CSMD2: variants seen among roughly 807,000 people sequenced by gnomAD.
CSMD2 encodes CUB and Sushi multiple domains 2.
A neutral mutation model predicts 398.5 loss-of-function variants in CSMD2; 130 were observed. The observed-to-expected ratio is 0.33, with a 90% CI of 0.28 to 0.38. The LOEUF (loss-of-function observed/expected upper bound fraction) is 0.38, where lower values mean the gene tolerates loss of function less well. Among genes scored for constraint, CSMD2 ranks in the 10% least tolerant of loss-of-function variants. The pLI, the probability that CSMD2 is intolerant of heterozygous loss-of-function variation, is 1.00. For missense variants in CSMD2, 3,829 were observed against 4,764.9 expected, an observed-to-expected ratio of 0.80 and a Z score of 5.78; for synonymous variants, 1,828 against 1,908.5, an observed-to-expected ratio of 0.96 and a Z score of 1.10.
At chr1:33,779,244 C>T (rs867638442) in intron 12 of CSMD2, among the ~76,000 whole-genome samples, 23 of 152,218 alleles carry the variant, frequency 1.5e-4, no homozygotes, top group South Asian at 4.2e-4. Context: ...GAGATTTACA[C>T]GGCACAGCAA....
At chr1:33,584,740 T>C (rs1358668493) in intron 46 of CSMD2, among the ~76,000 whole-genome samples, 1 of 140,508 alleles carries the variant, frequency 7.1e-6, no homozygotes, top group Non-Finnish European at 1.6e-5. Context: ...TGCAACATAG[T>C]GCTTCAATAA....
chr1:33,548,449 C>A (rs982161372), intron 56 of CSMD2, among the ~76,000 whole-genome samples: 1 of 152,214 alleles, frequency 6.6e-6, no homozygotes, highest in African/African-American at 2.4e-5. Context: ...CTCCAGAAAT[C>A]TCTCCATAGC....
intron 41 of CSMD2, among the ~76,000 whole-genome samples, chr1:33,608,091 T>G (rs748466315): frequency 6.6e-6 from 1 of 152,110 alleles, no homozygotes; most frequent in Non-Finnish European, 1.5e-5. Flanking sequence ...GCGGGGCCCC[T>G]TGTGCAGGGT....
rs143370877 is a variant in CSMD2 at position 33,935,811 on chromosome 1, C to A, written c.661G>T (p.Ala221Ser). 2 of 1,613,646 alleles carry A rather than the reference C, an allele frequency of 1.2e-6. No individual in the cohort carries two copies. The highest frequency in any genetic ancestry group is 2.2e-5 in the East Asian group (1 of 44,880). Residue 221 changes from alanine to serine, a missense_variant, in exon 4 of 71, where the codon GCT becomes TCT. Coordinates refer to ENST00000373381, the MANE Select transcript of CSMD2 (RefSeq NM_001281956.2). ...LEGHAVLTCH[A>S]GSENSATWDF... ...CACGTGGCGCTGTTCTCAGAGCCAG[C>A]GTGGCAGGTGAGCACGGCGTGGCCC...
At chr1:33,837,933 C>T (rs1174159145) in intron 6 of CSMD2, among the ~76,000 whole-genome samples, 4 of 152,218 alleles carry the variant, frequency 2.6e-5, no homozygotes, top group South Asian at 2.1e-4. Context: ...ACACATGGTA[C>T]ACATTTAGCT....
chr1:33,757,445 C>G (rs1042077230), intron 13 of CSMD2, among the ~76,000 whole-genome samples: 2 of 152,080 alleles, frequency 1.3e-5, no homozygotes, highest in East Asian at 3.9e-4. Context: ...TCAAGGGAAC[C>G]AAGGTTCTCT....
chr1:34,161,307 T>C (rs530231244), intron 1 of CSMD2, among the ~76,000 whole-genome samples: 6 of 152,312 alleles, frequency 3.9e-5, no homozygotes, highest in African/African-American at 1.4e-4. Context: ...AGGAAGCCAA[T>C]AGATGAATTT....
intron 2 of CSMD2, among the ~76,000 whole-genome samples, chr1:34,034,291 C>G (rs6701264): frequency 6.6e-6 from 1 of 151,684 alleles, no homozygotes; most frequent in African/African-American, 2.4e-5. Context: ...AATGATCAAT[C>G]GCGACATACT....
At chr1:34,093,138 G>A (rs1388890263) in intron 1 of CSMD2, among the ~76,000 whole-genome samples, 2 of 152,072 alleles carry the variant, frequency 1.3e-5, no homozygotes, top group Admixed American at 1.3e-4. Context: ...GCACCCCCCA[G>A]CAGGGGCACA....
chr1:33,897,987 C>T (rs1642504311), intron 5 of CSMD2, among the ~76,000 whole-genome samples: 1 of 152,170 alleles, frequency 6.6e-6, no homozygotes, highest in African/African-American at 2.4e-5. Flanking sequence ...CCCTGGGTTC[C>T]TAGTCACTTT....
chr1:33,641,184 T>C (rs905803503), intron 29 of CSMD2, among the ~76,000 whole-genome samples: 7 of 152,194 alleles, frequency 4.6e-5, no homozygotes, highest in African/African-American at 1.7e-4. Flanking sequence ...TAACTTCTTA[T>C]GCTTCTTACT....
chr1:33,774,168 C>G (rs149058079), intron 12 of CSMD2, among the ~76,000 whole-genome samples: 1 of 149,628 alleles, frequency 6.7e-6, no homozygotes, highest in Non-Finnish European at 1.5e-5. Flanking sequence ...AGTTGAACAA[C>G]AAGGGTCCTC....
intron 15 of CSMD2, among the ~76,000 whole-genome samples, chr1:33,729,912 G>A (rs987432269): frequency 6.6e-6 from 1 of 152,084 alleles, no homozygotes. Context: ...CCAACAAAAT[G>A]CATATGCATT....
intron 10 of CSMD2, among the ~76,000 whole-genome samples, chr1:33,794,061 T>C (rs1024847079): frequency 2.6e-5 from 4 of 152,222 alleles, no homozygotes; most frequent in Admixed American, 6.5e-5. Context: ...ATAATTTCTG[T>C]GGATATTTTT....
At chr1:33,720,521 G>A (rs551872502) in intron 19 of CSMD2, among the ~76,000 whole-genome samples, 56 of 152,216 alleles carry the variant, frequency 3.7e-4, no homozygotes, top group African/African-American at 1.2e-3. Flanking sequence ...TTGGGGAGAC[G>A]AAGTGTTCCA....
At chr1:33,786,353 G>C (rs1653535873) in intron 12 of CSMD2, among the ~76,000 whole-genome samples, 1 of 152,204 alleles carries the variant, frequency 6.6e-6, no homozygotes, top group Non-Finnish European at 1.5e-5. Context: ...TGAAATGGGT[G>C]AAAACTTAGC....
At chr1:33,939,941 T>A (rs1392645035) in intron 3 of CSMD2, among the ~76,000 whole-genome samples, 1 of 152,212 alleles carries the variant, frequency 6.6e-6, no homozygotes, top group Non-Finnish European at 1.5e-5. Flanking sequence ...TACTTTTTCA[T>A]CCTGTAAGGG....
At chr1:33,859,615 C>G (rs1639342264) in intron 5 of CSMD2, among the ~76,000 whole-genome samples, 1 of 152,250 alleles carries the variant, frequency 6.6e-6, no homozygotes, top group Non-Finnish European at 1.5e-5. Flanking sequence ...TCTTCTGCCA[C>G]TTGCAGATGC....
intron 15 of CSMD2, among the ~76,000 whole-genome samples, chr1:33,732,251 G>A (rs1646743728): frequency 1.3e-5 from 2 of 152,212 alleles, no homozygotes; most frequent in South Asian, 4.1e-4. Flanking sequence ...GTACTCACTA[G>A]ATGTTCAATA....
Sources: gnomAD v4.1 joint callset for allele counts (sites outside exome capture counted in the v4.1 genomes callset) on GRCh38, gnomAD v4.1.1 for gene constraint, MANE v1.5 for transcripts, NCBI Gene and HGNC (gene_info 2026-07-23, HGNC 2026-07-21) for gene names.